Variants in OSBPL8 observed in about 807,000 individuals in gnomAD.
The protein encoded by OSBPL8 is oxysterol binding protein like 8.
A neutral mutation model predicts 125.5 loss-of-function variants in OSBPL8; 59 were observed. The ratio of observed to expected loss-of-function variants is 0.47; its 90% CI spans 0.38 to 0.58. OSBPL8 has a LOEUF of 0.58. OSBPL8 is among the 20% of genes least tolerant of loss of function. The pLI is 0.00. For missense variants in OSBPL8, 758 were observed against 1,047.8 expected, an observed-to-expected ratio of 0.72 and a Z score of 3.82; for synonymous variants, 330 against 338.9, an observed-to-expected ratio of 0.97 and a Z score of 0.29.
intron 1 of OSBPL8, among the ~76,000 whole-genome samples, chr12:76,488,520 T>G (rs1184106488): frequency 3.9e-5 from 6 of 152,248 alleles, no homozygotes; most frequent in African/African-American, 1.4e-4. Flanking sequence ...GCTCACTTTG[T>G]GTCTCTGTGT....
At chr12:76,557,673 T>C (rs1437388498) in intron 1 of OSBPL8, among the ~76,000 whole-genome samples, 4 of 152,106 alleles carry the variant, frequency 2.6e-5, no homozygotes, top group Admixed American at 6.5e-5. Context: ...AATTTCATCA[T>C]TTTTCTTAAA....
At chr12:76,481,336 T>G (rs536605550) in intron 2 of OSBPL8, among the ~76,000 whole-genome samples, 1 of 152,346 alleles carries the variant, frequency 6.6e-6, no homozygotes, top group Admixed American at 6.5e-5. Flanking sequence ...GATTAGTAAT[T>G]GGCATATGGA....
intron 4 of OSBPL8, among the ~76,000 whole-genome samples, chr12:76,419,116 G>A (rs1869128432): frequency 6.6e-6 from 1 of 151,912 alleles, no homozygotes; most frequent in Non-Finnish European, 1.5e-5. Flanking sequence ...CATGCCTGTA[G>A]TCTCAGCTAG....
intron 4 of OSBPL8, among the ~76,000 whole-genome samples, chr12:76,422,325 T>G (rs895454706): frequency 2.6e-5 from 4 of 152,180 alleles, no homozygotes; most frequent in African/African-American, 9.6e-5. Flanking sequence ...TTCTGAAGTT[T>G]TAACTGAAGA....
intron 4 of OSBPL8, among the ~76,000 whole-genome samples, chr12:76,418,613 T>C (rs1429697268): frequency 1.3e-5 from 2 of 152,050 alleles, no homozygotes; most frequent in African/African-American, 4.8e-5. Flanking sequence ...GGCAGATCAC[T>C]TGAAGTCAGG....
intron 4 of OSBPL8, among the ~76,000 whole-genome samples, chr12:76,429,913 G>A (rs1418747490): frequency 1.3e-5 from 2 of 151,716 alleles, no homozygotes; most frequent in Non-Finnish European, 2.9e-5. Flanking sequence ...GGTACCAGCT[G>A]TGACCTGGCT....
At chr12:76,473,375 C>T (rs1188785466) in intron 2 of OSBPL8, among the ~76,000 whole-genome samples, 6 of 152,166 alleles carry the variant, frequency 3.9e-5, no homozygotes, top group Non-Finnish European at 8.8e-5. Flanking sequence ...TTGCCACCCA[C>T]ACACTACCAT....
At chr12:76,485,165 C>T (rs1877993110) in intron 2 of OSBPL8, among the ~76,000 whole-genome samples, 1 of 151,964 alleles carries the variant, frequency 6.6e-6, no homozygotes, top group Non-Finnish European at 1.5e-5. Context: ...TCAGGTGATC[C>T]ACCCGCCTCA....
At chr12:76,380,647 T>C (rs1368538723) in intron 15 of OSBPL8, among the ~76,000 whole-genome samples, 1 of 150,848 alleles carries the variant, frequency 6.6e-6, no homozygotes, top group Non-Finnish European at 1.5e-5. Flanking sequence ...ATTAGTTGTA[T>C]GAGCTTTTTT....
chr12:76,499,350 C>CTATCTATCTATCTATCTATCTATCATCT (rs71082312), intron 1 of OSBPL8, among the ~76,000 whole-genome samples: 43 of 107,566 alleles, frequency 4.0e-4, no homozygotes, highest in Admixed American at 1.2e-3. Flanking sequence ...ATCTATCTAT[C>CTATCTATCTATCTATCTATCTATCATCT]ATCTATCTAT....
intron 1 of OSBPL8, among the ~76,000 whole-genome samples, chr12:76,539,271 T>C (rs1484671748): frequency 6.6e-6 from 1 of 152,160 alleles, no homozygotes; most frequent in Admixed American, 6.5e-5. Flanking sequence ...TGCGTATTTA[T>C]GTCTCTGTTT....
At chr12:76,482,388 C>A (rs558337974) in intron 2 of OSBPL8, among the ~76,000 whole-genome samples, 2 of 152,110 alleles carry the variant, frequency 1.3e-5, no homozygotes, top group Admixed American at 1.3e-4. Flanking sequence ...CTAAGGCGGG[C>A]GGATCACTTG....
Position 76,373,710 on chromosome 12 carries a change from T to C in OSBPL8, c.1828-277A>G, listed in dbSNP as rs558783369. Among the ~76,000 whole-genome samples the C allele has an allele frequency of 7.3e-5, 8 of 110,122 alleles. No individual in the cohort carries two copies. The South Asian group carries it at 1.1e-3, about 15-fold the overall frequency. The allele number at this position is 110,122 out of a possible 152,430, so 72.2% of individuals were successfully genotyped here. A position where few individuals can be genotyped will look rare whatever the true frequency, so the allele number is the denominator to read the frequency against. On this transcript the variant is annotated intron_variant, in intron 17 of 23. Coordinates refer to ENST00000261183, the MANE Select transcript of OSBPL8 (RefSeq NM_020841.5). ...CCTGATATAACTGACTCATGTTCCA[T>C]GTATGCTCAAATCCTGTGTCCTCCC...
Position 76,450,975 on chromosome 12 carries a change from G to A in OSBPL8, c.93C>T (p.Asn31=), listed in dbSNP as rs766385777. The part of the protein sequence containing the change: ...DVLGPSTVVA[N]SDESQLLTPG... ...GTGTCAGAAGCTGAGATTCGTCACT[G>A]TTTGCTACAACAGCTCAAGGAAAGA... The change falls in exon 4 of 24, where the codon AAC becomes AAT. Residue 31 remains asparagine (N), a synonymous_variant. Coordinates refer to ENST00000261183, the MANE Select transcript of OSBPL8 (RefSeq NM_020841.5). The A allele has an allele frequency of 9.9e-6, 16 of 1,613,460 alleles. No homozygotes were observed. The highest frequency in any genetic ancestry group is 6.7e-5 in the East Asian group (3 of 44,836).
intron 1 of OSBPL8, among the ~76,000 whole-genome samples, chr12:76,541,763 G>A (rs1950650957): frequency 6.6e-6 from 1 of 151,266 alleles, no homozygotes; most frequent in Non-Finnish European, 1.5e-5. Context: ...GCTGAGGCAG[G>A]GAGAATTGTT....
chr12:76,387,244 A>G (rs1287365301), intron 12 of OSBPL8, among the ~76,000 whole-genome samples: 6 of 152,192 alleles, frequency 3.9e-5, no homozygotes, highest in African/African-American at 1.4e-4. Context: ...TTTTGTGCAA[A>G]GTACCTATCT....
rs576289365 is a variant in OSBPL8 at position 76,387,239 on chromosome 12, T to C, written c.1353-579A>G. On this transcript the variant is annotated intron_variant, in intron 12 of 23. Coordinates refer to ENST00000261183, the MANE Select transcript of OSBPL8 (RefSeq NM_020841.5). ...CATAGGTTGACGATAGCCTCTTTTG[T>C]GCAAAGTACCTATCTAAATATAGGA... is the stretch of plus-strand genomic sequence containing the variant. Among the ~76,000 whole-genome samples the C allele has an allele frequency of 1.3e-3, 205 of 152,320 alleles. 1 individual carries two copies. The highest frequency in any genetic ancestry group is 3.7e-3 in the Admixed American group (56 of 15,298).
rs1236938206 is a variant in OSBPL8, at chr12:76,392,695, C to T, written c.815G>A (p.Arg272His). Residue 272 changes from arginine (R) to histidine (H), a missense_variant, in exon 10 of 24, where the codon CGT becomes CAT. By Grantham distance (29) the Arg-to-His change is conservative. Transcript: ENST00000261183. Reference protein sequence around the residue: ...LALKCSSLLKRTMIREGKEHD... With the variant: ...LALKCSSLLKHTMIREGKEHD... ...TTCCTTTCCTTCTCTGATCATTGTA[C>T]GTTTAAGAAGACTAGAACATTTCAA... 11 of 1,613,820 alleles carry T rather than the reference C, an allele frequency of 6.8e-6. No homozygotes were observed. The highest frequency in any genetic ancestry group is 2.2e-5 in the East Asian group (1 of 44,876).
At chr12:76,460,678 C>A (rs1252968035) in intron 2 of OSBPL8, among the ~76,000 whole-genome samples, 1 of 152,150 alleles carries the variant, frequency 6.6e-6, no homozygotes, top group Non-Finnish European at 1.5e-5. Context: ...AAAAAGTCTG[C>A]TGACCTTTTG....
Sources: gnomAD v4.1 joint callset for allele counts (sites outside exome capture counted in the v4.1 genomes callset) on GRCh38, gnomAD v4.1.1 for gene constraint, MANE v1.5 for transcripts, NCBI Gene and HGNC (gene_info 2026-07-23, HGNC 2026-07-21) for gene names.